Variants in DDR2 observed in about 807,000 individuals in gnomAD.
The protein encoded by DDR2 is discoidin domain-containing receptor 2.
DDR2 carries 27 observed loss-of-function variants against 94.9 expected under a neutral mutation model. That is an observed-to-expected ratio of 0.28 (90% CI 0.21 to 0.39). The LOEUF is 0.39. DDR2 is among the 10% of genes least tolerant of loss of function. The pLI, the probability that DDR2 is intolerant of heterozygous loss-of-function variation, is 1.00. For synonymous variants in DDR2, 382 were observed against 377.2 expected, an observed-to-expected ratio of 1.01 and a Z score of -0.15; for missense variants, 783 against 1,076.0, an observed-to-expected ratio of 0.73 and a Z score of 3.81.
intron 2 of DDR2, among the ~76,000 whole-genome samples, chr1:162,682,239 T>C (rs955766295): frequency 6.6e-6 from 1 of 152,182 alleles, no homozygotes; most frequent in Non-Finnish European, 1.5e-5. Context: ...GCATCTCCTT[T>C]TTTAACTGGC....
chr1:162,750,984 C>A (rs1663164653), intron 3 of DDR2, among the ~76,000 whole-genome samples: 1 of 152,150 alleles, frequency 6.6e-6, no homozygotes. Flanking sequence ...ACACCTTATA[C>A]AAAAATTAAT....
rs1364625347 is a variant in DDR2 at position 162,737,148 on chromosome 1, T to A, written c.83-15947T>A. Among the ~76,000 whole-genome samples the A allele has an allele frequency of 6.5e-5, 6 of 92,608 alleles. No homozygotes were observed. The South Asian group carries it at 2.8e-3, about 43-fold the overall frequency. 60.8% of individuals were successfully genotyped at this position (92,608 alleles called of 152,430 possible). A position where few individuals can be genotyped will look rare whatever the true frequency, so the allele number is the denominator to read the frequency against. ...TTACAGTTTTATTTTTTATTTATTT[T>A]TTTTGGAATAATTTTTTTTTTTATT... On this transcript the variant is annotated intron_variant, in intron 3 of 17. Coordinates refer to ENST00000367921, the MANE Select transcript of DDR2 (RefSeq NM_006182.4).
chr1:162,636,477 C>T (rs1269980075), intron 1 of DDR2, among the ~76,000 whole-genome samples: 2 of 152,092 alleles, frequency 1.3e-5, no homozygotes, highest in Non-Finnish European at 2.9e-5. Context: ...TGTGAGGGGC[C>T]CTTTGGATCT....
At chr1:162,741,279 T>C (rs1662601305) in intron 3 of DDR2, among the ~76,000 whole-genome samples, 1 of 119,798 alleles carries the variant, frequency 8.3e-6, no homozygotes, top group Non-Finnish European at 1.7e-5. Context: ...TAATATAATA[T>C]AATATAATAT....
chr1:162,676,707 G>A (rs1558020735), intron 2 of DDR2, among the ~76,000 whole-genome samples: 1 of 152,170 alleles, frequency 6.6e-6, no homozygotes, highest in Non-Finnish European at 1.5e-5. Flanking sequence ...GTGATTTTAT[G>A]TGCAATGTTT....
intron 3 of DDR2, among the ~76,000 whole-genome samples, chr1:162,739,869 G>A (rs1245860675): frequency 6.6e-6 from 1 of 151,594 alleles, no homozygotes; most frequent in Non-Finnish European, 1.5e-5. Context: ...GTAGCCAGTA[G>A]AATCTTCTCT....
chr1:162,767,324 C>A lies in DDR2; in HGVS notation c.1258C>A (p.Leu420Ile). 6.2e-7 allele frequency: 1 copy of A among 1,614,076 alleles called. No individual in the cohort carries two copies. Among genetic ancestry groups the A allele is most frequent in the Non-Finnish European group, 8.5e-7 (1 of 1,180,004 alleles). ...FILLAIIVIILWRQFWQKMLE... is the reference protein window; with the variant it reads ...FILLAIIVIIIWRQFWQKMLE... ...CCTCCTGGCCATCATTGTCATCATC[C>A]TCTGGAGGCAGTTCTGGCAGAAAAT... is the stretch of plus-strand genomic sequence containing the variant. Residue 420 changes from leucine (L) to isoleucine (I), a missense_variant, in exon 11 of 18, where the codon CTC becomes ATC. Physicochemically the swap from Leu to Ile is conservative, Grantham distance 5. This residue lies in a region of DDR2 where 519 missense variants were observed against 647.9 expected (regional missense o/e 0.80). Transcript: ENST00000367921.
rs1377661077 is a variant in DDR2 at position 162,784,731 on chromosome 1, A to G, written c.*4485A>G. The G allele has an allele frequency of 6.6e-6, 1 of 152,156 alleles. No homozygotes were observed. Among genetic ancestry groups the G allele is most frequent in the Non-Finnish European group, 1.5e-5 (1 of 68,014 alleles). The allele number at this position is 152,156 out of a possible 1,614,324, so 9.4% of individuals were successfully genotyped here. A position where few individuals can be genotyped will look rare whatever the true frequency, so the allele number is the denominator to read the frequency against. On this transcript the variant is annotated 3_prime_UTR_variant, in exon 18 of 18. Transcript: ENST00000367921. The stretch of plus-strand genomic sequence containing the variant: ...AAAAAACAAAAAACTTGTTATTTTG[A>G]AAGAACTTAAGGCTCACAAGATGTT...
At chr1:162,774,862 G>A (rs1165659709) in intron 14 of DDR2, among the ~76,000 whole-genome samples, 2 of 152,172 alleles carry the variant, frequency 1.3e-5, no homozygotes, top group Non-Finnish European at 2.9e-5. Context: ...ATTGATTCCA[G>A]TGGTTTATAT....
In DDR2 at chr1:162,729,302, T is replaced by TATATATATA. The variant is rs67580875; in HGVS notation, c.82+10157_82+10158insATATATATA. Among the ~76,000 whole-genome samples the TATATATATA allele has an allele frequency of 3.0e-4, 24 of 78,956 alleles. No individual in the cohort carries two copies. The East Asian group carries it at 5.3e-3, about 18-fold the overall frequency. The allele number at this position is 78,956 out of a possible 152,430, so 51.8% of individuals were successfully genotyped here. On this transcript the variant is annotated intron_variant, in intron 3 of 17. Coordinates refer to ENST00000367921, the MANE Select transcript of DDR2 (RefSeq NM_006182.4). ...CATTTATATATATATATATATATAT[T>TATATATATA]TTTTTTTTTTTTTTTTTTCCTTGGG...
chr1:162,633,391 C>A (rs188926520), intron 1 of DDR2, among the ~76,000 whole-genome samples: 1 of 152,136 alleles, frequency 6.6e-6, no homozygotes. Flanking sequence ...GGCAAGAGTT[C>A]GTACTGTTCA....
chr1:162,694,890 C>A (rs1660116266), intron 2 of DDR2, among the ~76,000 whole-genome samples: 2 of 152,128 alleles, frequency 1.3e-5, no homozygotes, highest in African/African-American at 4.8e-5. Context: ...ATTTCTCAGA[C>A]ACAGAAACAT....
intron 2 of DDR2, among the ~76,000 whole-genome samples, chr1:162,672,827 G>A (rs942513106): frequency 2.0e-5 from 3 of 152,126 alleles, no homozygotes; most frequent in African/African-American, 7.2e-5. Context: ...ACTGATCTCA[G>A]TGAAAGTTAC....
chr1:162,690,920 T>A (rs1659934473), intron 2 of DDR2, among the ~76,000 whole-genome samples: 1 of 152,198 alleles, frequency 6.6e-6, no homozygotes, highest in African/African-American at 2.4e-5. Context: ...GCTGGAGTTG[T>A]GTCTATTTAA....
At chr1:162,726,924 A>G (rs1331214611) in intron 3 of DDR2, among the ~76,000 whole-genome samples, 2 of 151,746 alleles carry the variant, frequency 1.3e-5, no homozygotes, top group Admixed American at 6.6e-5. Flanking sequence ...TAGGGGCTTC[A>G]AGCCCATAAG....
At chr1:162,674,120 G>C (rs888467340) in intron 2 of DDR2, among the ~76,000 whole-genome samples, 5 of 152,120 alleles carry the variant, frequency 3.3e-5, no homozygotes, top group Admixed American at 3.3e-4. Flanking sequence ...TTCAAAGCTG[G>C]GTTTACTTTC....
chr1:162,681,070 T>C (rs556452564), intron 2 of DDR2, among the ~76,000 whole-genome samples: 1 of 152,166 alleles, frequency 6.6e-6, no homozygotes, highest in Non-Finnish European at 1.5e-5. Flanking sequence ...GAAACCAGAC[T>C]TTAAGCCTGG....
At chr1:162,689,611 T>C (rs1474519291) in intron 2 of DDR2, among the ~76,000 whole-genome samples, 2 of 151,800 alleles carry the variant, frequency 1.3e-5, no homozygotes, top group Non-Finnish European at 2.9e-5. Flanking sequence ...TTACTTTAAA[T>C]TGATGGGCTG....
chr1:162,677,256 C>A (rs933346649), intron 2 of DDR2, among the ~76,000 whole-genome samples: 1 of 152,150 alleles, frequency 6.6e-6, no homozygotes. Context: ...ATGCTTCCTA[C>A]CCCAGGGGGC....
Sources: allele counts gnomAD v4.1 joint callset (sites outside exome capture counted in the v4.1 genomes callset), GRCh38; gene constraint gnomAD v4.1.1; regional missense constraint gnomAD v4.1.1; transcripts MANE v1.5; gene names NCBI Gene and HGNC (gene_info 2026-07-23, HGNC 2026-07-21).